Variants in ZP3 observed in about 807,000 individuals in gnomAD.
ZP3 encodes the protein zona pellucida sperm-binding protein 3.
ZP3 carries 21 observed loss-of-function variants against 35.6 expected under a neutral mutation model. The ratio of observed to expected loss-of-function variants is 0.59; its 90% CI spans 0.42 to 0.85. The LOEUF is 0.85. ZP3 is among the 40% of genes least tolerant of loss of function. The probability of loss-of-function intolerance (pLI) is 0.00; values close to 1 mark genes in which losing one functional copy is unlikely to be tolerated. For synonymous variants in ZP3, 207 were observed against 214.5 expected (o/e 0.96, Z 0.31); for missense variants, 437 against 536.5 (o/e 0.81, Z 1.83).
In ZP3 at chr7:76,416,973, T is replaced by TATAA. The variant is rs568367143; in HGVS notation, c.-66-8078_-66-8077insTAAA. Reference sequence around the variant, plus strand: ...ATATATATATATATATATATATATATAATTTGGCATTTAATGATGAGGTAG... The same window carrying TATAA: ...ATATATATATATATATATATATATATATAAAATTTGGCATTTAATGATGAGGTAG... On this transcript the variant is annotated intron_variant, in intron 1 of 8. Transcript: ENST00000336517. 5.1e-3 allele frequency among the ~76,000 whole-genome samples: 239 copies of TATAA among 47,104 alleles called. 2 individuals carry two copies. Among genetic ancestry groups the TATAA allele is most frequent in the South Asian group, 0.015 (31 of 2,028 alleles). 30.9% of individuals were successfully genotyped at this position (47,104 alleles called of 152,430 possible). A position where few individuals can be genotyped will look rare whatever the true frequency, so the allele number is the denominator to read the frequency against.
At chr7:76,435,576 G>A (rs1057402273) in intron 5 of ZP3, among the ~76,000 whole-genome samples, 4 of 152,236 alleles carry the variant, frequency 2.6e-5, no homozygotes, top group Non-Finnish European at 5.9e-5. Context: ...CATCTGGAGA[G>A]GTTGTAAAAA....
chr7:76,412,187 C>CAAA (rs200042424), intron 1 of ZP3, among the ~76,000 whole-genome samples: 1,240 of 79,546 alleles, frequency 0.016, 19 homozygotes, highest in African/African-American at 0.04. Flanking sequence ...GACTCTGTCT[C>CAAA]AAAAAAAAAA....
chr7:76,416,677 T>C (rs1189924358), intron 1 of ZP3, among the ~76,000 whole-genome samples: 1 of 151,652 alleles, frequency 6.6e-6, no homozygotes, highest in Non-Finnish European at 1.5e-5. Flanking sequence ...CATGCACCTG[T>C]AGTCCCAACT....
Position 76,429,551 on chromosome 7 carries a change from C to T in ZP3, c.349C>T (p.Leu117Phe). ...DDALVYSTFLLHDPRPVGNLS... is the reference protein window; with the variant it reads ...DDALVYSTFLFHDPRPVGNLS... ...TGCCCTGGTGTACAGCACCTTCCTG[C>T]TCCATGACCCCCGCCCCGTGGGAAA... The change falls in exon 2 of 8, where the codon CTC (leucine) becomes TTC (phenylalanine). Residue 117 changes from leucine to phenylalanine, a missense_variant. Transcript: ENST00000394857. 1.2e-6 allele frequency: 2 copies of T among 1,614,106 alleles called. No homozygotes were observed. Among genetic ancestry groups the T allele is most frequent in the Non-Finnish European group, 1.7e-6 (2 of 1,179,996 alleles).
At chr7:76,413,411 T>C (rs1005703605) in intron 1 of ZP3, among the ~76,000 whole-genome samples, 9 of 151,728 alleles carry the variant, frequency 5.9e-5, no homozygotes, top group African/African-American at 2.2e-4. Context: ...TACAGGCGCA[T>C]GCCACCACAA....
intron 1 of ZP3, among the ~76,000 whole-genome samples, chr7:76,405,345 T>TC (rs1364831511): frequency 6.6e-4 from 69 of 105,040 alleles, no homozygotes; most frequent in African/African-American, 1.2e-3. Context: ...CTTTCTTTTT[T>TC]TTTTTTTTTT....
intron 7 of ZP3, 75 bp downstream of exon 7, chr7:76,440,686 G>A (rs1806172197): frequency 2.0e-6 from 3 of 1,538,064 alleles, no homozygotes; most frequent in Middle Eastern, 1.9e-4. Context: ...ATTTCAGGGT[G>A]ATGGTATTTT....
At chr7:76,432,812 G>T (rs1805870819) in intron 2 of ZP3, 115 bp from the exon 3 acceptor site, 1 of 797,906 alleles carries the variant, frequency 1.3e-6, no homozygotes, top group Non-Finnish European at 2.0e-6. Context: ...CAGCTACCTG[G>T]CTGGGCCATA....
chr7:76,400,857 T>C (rs1216879310), intron 1 of ZP3: 1 of 1,201,868 alleles, frequency 8.3e-7, no homozygotes, highest in East Asian at 2.6e-5. Context: ...ATCAATCCCT[T>C]CTGGAAAATG....
intron 5 of ZP3, among the ~76,000 whole-genome samples, chr7:76,439,301 G>C (rs1253186742): frequency 4.6e-5 from 7 of 152,218 alleles, no homozygotes; most frequent in Non-Finnish European, 1.0e-4. Flanking sequence ...TTGTCAACTA[G>C]TCAAGTGGCA....
intron 1 of ZP3, among the ~76,000 whole-genome samples, chr7:76,414,779 G>A (rs1222399519): frequency 7.2e-3 from 29 of 4,010 alleles, no homozygotes; most frequent in African/African-American, 0.024. Context: ...TCGGCTCACC[G>A]CCCCACCTGC....
chr7:76,423,025 G>GAGAA (rs200948956), upstream of ZP3, among the ~76,000 whole-genome samples: 1,833 of 75,584 alleles, frequency 0.024, 45 homozygotes, highest in Middle Eastern at 0.038. Flanking sequence ...GAGAGAGAGA[G>GAGAA]AGAAAGAAAG....
chr7:76,439,278 G>A (rs1460097393), intron 5 of ZP3, among the ~76,000 whole-genome samples: 1 of 152,094 alleles, frequency 6.6e-6, no homozygotes, highest in African/African-American at 2.4e-5. Flanking sequence ...CTACATCCCT[G>A]AAGAAAAGTA....
intron 4 of ZP3, 175 bp downstream of exon 4, chr7:76,433,822 C>T (rs997150544): frequency 2.2e-5 from 23 of 1,035,854 alleles, no homozygotes; most frequent in Non-Finnish European, 3.1e-5. Context: ...CCTCAGCCCC[C>T]CAAGTAGCTG....
At chr7:76,439,680 T>G (rs1352097309) in intron 5 of ZP3, among the ~76,000 whole-genome samples, 6 of 152,084 alleles carry the variant, frequency 3.9e-5, no homozygotes, top group Non-Finnish European at 8.8e-5. Flanking sequence ...TACTCCAGCC[T>G]GGGTGACAGG....
chr7:76,440,503 A>C lies in ZP3; in HGVS notation c.952A>C (p.Ile318Leu). ...SWFPVEGSAD[I>L]CQCCNKGDCG... ...GTTCCCAGTGGAAGGCTCGGCTGAC[A>C]TCTGTCAATGCTGTAACAAAGGTGA... The change falls in exon 7 of 8, where the codon ATC (isoleucine) becomes CTC (leucine). Residue 318 changes from isoleucine (I) to leucine (L), a missense_variant. Physicochemically the swap from Ile to Leu is conservative, Grantham distance 5 (BLOSUM62 2). This residue lies in a region of ZP3 where 41 missense variants were observed against 50.2 expected (regional missense o/e 0.82). Transcript: ENST00000394857. The C allele has an allele frequency of 6.2e-7, 1 of 1,614,122 alleles. No individual in the cohort carries two copies. The highest frequency in any genetic ancestry group is 8.5e-7 in the Non-Finnish European group (1 of 1,179,990).
intron 1 of ZP3, among the ~76,000 whole-genome samples, chr7:76,405,273 A>ATATT (rs1804963619): frequency 7.0e-5 from 1 of 14,346 alleles, no homozygotes; most frequent in Non-Finnish European, 1.2e-4. Context: ...CCAGCTAATT[A>ATATT]TATATATATA....
chr7:76,407,848 T>C (rs896793793), intron 1 of ZP3, among the ~76,000 whole-genome samples: 10 of 152,206 alleles, frequency 6.6e-5, no homozygotes, highest in African/African-American at 2.4e-4. Context: ...TGCAGACTTT[T>C]AGCAAGGGTC....
chr7:76,425,179 C>A lies in ZP3; in HGVS notation c.215C>A (p.Thr72Asn), dbSNP rs758658851. 3.1e-6 allele frequency: 5 copies of A among 1,613,928 alleles called. No individual in the cohort carries two copies. In the Admixed American group the frequency reaches 6.7e-5, roughly 22 times the overall value. The change falls in exon 1 of 8, where the codon ACC becomes AAC. Residue 72 changes from threonine to asparagine, a missense_variant. Thr to Asn is a moderately conservative substitution (Grantham distance 65, BLOSUM62 0). Coordinates refer to ENST00000394857, the MANE Select transcript of ZP3 (RefSeq NM_001110354.2). Reference protein sequence around the residue: ...TGKLIRAADLTLGPEACEPLV... With the variant: ...TGKLIRAADLNLGPEACEPLV... ...AAGCTCATCAGGGCTGCTGACCTCACCTTGGGCCCAGAGGCCTGTGAGCCT... is the reference window on the plus strand; with the variant it reads ...AAGCTCATCAGGGCTGCTGACCTCAACTTGGGCCCAGAGGCCTGTGAGCCT...
Sources: gnomAD v4.1 joint callset for allele counts (sites outside exome capture counted in the v4.1 genomes callset) on GRCh38, gnomAD v4.1.1 for gene constraint, gnomAD v4.1.1 regional missense constraint, MANE v1.5 for transcripts, NCBI Gene and HGNC (gene_info 2026-07-23, HGNC 2026-07-21) for gene names.